Variants in CDKAL1 observed in about 807,000 individuals in gnomAD.
CDKAL1 encodes CDKAL1 threonylcarbamoyladenosine tRNA methylthiotransferase.
CDKAL1 carries 32 observed loss-of-function variants against 68.2 expected under a neutral mutation model. That is an observed-to-expected ratio of 0.47 (90% CI 0.35 to 0.63). CDKAL1 has a LOEUF of 0.63. Ranked by LOEUF, CDKAL1 falls within the 30% of genes least tolerant of loss-of-function variation. The pLI, the probability that CDKAL1 is intolerant of heterozygous loss-of-function variation, is 0.00. For missense variants in CDKAL1, 606 were observed against 696.7 expected (o/e 0.87, Z 1.47); for synonymous variants, 234 against 244.3 (o/e 0.96, Z 0.39).
intron 5 of CDKAL1, among the ~76,000 whole-genome samples, chr6:20,658,739 T>TA (rs1202124889): frequency 1.3e-5 from 2 of 152,154 alleles, no homozygotes; most frequent in South Asian, 2.1e-4. Flanking sequence ...TTAAAAGAAT[T>TA]AAAAAAAACC....
At chr6:20,862,660 T>TGCGCGC (rs372549461) in intron 9 of CDKAL1, among the ~76,000 whole-genome samples, 5 of 147,222 alleles carry the variant, frequency 3.4e-5, no homozygotes, top group African/African-American at 1.3e-4. Context: ...TGTGTGTGTG[T>TGCGCGC]GTGCGCGCGT....
chr6:20,831,816 C>T (rs532171791), intron 8 of CDKAL1, among the ~76,000 whole-genome samples: 73 of 152,286 alleles, frequency 4.8e-4, no homozygotes, highest in African/African-American at 1.6e-3. Context: ...ACTTATCGAG[C>T]TTTTTCACCT....
At chr6:21,175,005 A>G (rs1427748609) in intron 13 of CDKAL1, among the ~76,000 whole-genome samples, 4 of 152,346 alleles carry the variant, frequency 2.6e-5, no homozygotes, top group Non-Finnish European at 4.4e-5. Flanking sequence ...TCCTGAGAGC[A>G]ATGGGGAACC....
At chr6:20,645,755 AAAAT>A (rs1484364796) in intron 4 of CDKAL1, among the ~76,000 whole-genome samples, 52 of 135,846 alleles carry the variant, frequency 3.8e-4, no homozygotes, top group African/African-American at 8.7e-4. Flanking sequence ...TAAATAAATA[AAAAT>A]AAATAAATAA....
At chr6:21,020,380 T>C (rs1768579102) in intron 11 of CDKAL1, among the ~76,000 whole-genome samples, 1 of 152,200 alleles carries the variant, frequency 6.6e-6, no homozygotes, top group Non-Finnish European at 1.5e-5. Flanking sequence ...CTTCAACTAC[T>C]TTTAGCTGTT....
chr6:20,757,374 A>C (rs546327175), intron 6 of CDKAL1, among the ~76,000 whole-genome samples: 1 of 152,196 alleles, frequency 6.6e-6, no homozygotes, highest in African/African-American at 2.4e-5. Flanking sequence ...TCATGCATCC[A>C]TACAGAGAGA....
chr6:20,917,216 G>A (rs936431189), intron 9 of CDKAL1, among the ~76,000 whole-genome samples: 3 of 152,180 alleles, frequency 2.0e-5, no homozygotes, highest in African/African-American at 4.8e-5. Context: ...CCTGACCTCA[G>A]GTGATCCGCC....
intron 5 of CDKAL1, among the ~76,000 whole-genome samples, chr6:20,667,144 A>G (rs1769586719): frequency 6.6e-6 from 1 of 152,188 alleles, no homozygotes; most frequent in South Asian, 2.1e-4. Context: ...GGATTTTCCA[A>G]AGTAAATGAT....
intron 13 of CDKAL1, among the ~76,000 whole-genome samples, chr6:21,168,833 G>A (rs184277640): frequency 2.0e-5 from 3 of 152,156 alleles, no homozygotes; most frequent in African/African-American, 4.8e-5. Context: ...CTTTTAATTC[G>A]CATCTATCTC....
At chr6:20,963,693 G>T (rs1396290385) in intron 10 of CDKAL1, among the ~76,000 whole-genome samples, 1 of 152,062 alleles carries the variant, frequency 6.6e-6, no homozygotes, top group Non-Finnish European at 1.5e-5. Flanking sequence ...AAAATACTGG[G>T]TACCTCTGTC....
intron 14 of CDKAL1, among the ~76,000 whole-genome samples, chr6:21,200,018 G>A (rs1778625966): frequency 6.6e-6 from 1 of 152,154 alleles, no homozygotes; most frequent in Non-Finnish European, 1.5e-5. Flanking sequence ...GATTTTCTAG[G>A]AATTATTTTT....
chr6:20,983,888 T>A (rs1766292737), intron 10 of CDKAL1, among the ~76,000 whole-genome samples: 1 of 152,242 alleles, frequency 6.6e-6, no homozygotes, highest in South Asian at 2.1e-4. Context: ...TTTGTGCTAT[T>A]CCTCAAGAAT....
At position 20,766,300 on chromosome 6, in the gene CDKAL1, G is replaced by T. The variant is rs572318273; in HGVS notation, c.517+7657G>T. On this transcript the variant is annotated intron_variant, in intron 7 of 15. Transcript: ENST00000274695. ...TAACTTTTGATTTCTTAATTCTGGG[G>T]TTTTGGTGGGGTGAGCTGGTGCATA... Among the ~76,000 whole-genome samples the T allele has an allele frequency of 2.7e-4, 41 of 152,126 alleles. 1 individual carries two copies. The South Asian group carries it at 5.2e-3, about 19-fold the overall frequency.
chr6:20,765,657 TTAAAAA>T (rs1248197665), intron 7 of CDKAL1, among the ~76,000 whole-genome samples: 1 of 152,218 alleles, frequency 6.6e-6, no homozygotes, highest in African/African-American at 2.4e-5. Flanking sequence ...TAACATTTTC[TTAAAAA>T]TAAGAGTAGG....
At chr6:20,614,746 A>G (rs1212530383) in intron 4 of CDKAL1, among the ~76,000 whole-genome samples, 1 of 152,202 alleles carries the variant, frequency 6.6e-6, no homozygotes, top group Non-Finnish European at 1.5e-5. Flanking sequence ...TAGCTTTAAA[A>G]ATATGGACTT....
chr6:20,653,862 C>T (rs62397619), intron 5 of CDKAL1, among the ~76,000 whole-genome samples: 7,177 of 152,260 alleles, frequency 0.047, 193 homozygotes, highest in African/African-American at 0.075. Context: ...CCGCCTGCCT[C>T]GGCCTCCCAA....
rs1282444469 is a variant in CDKAL1 at position 21,124,907 on chromosome 6, A to T, written c.1299+16444A>T. Among the ~76,000 whole-genome samples, 5 of 151,962 alleles carry T rather than the reference A, an allele frequency of 3.3e-5. No individual in the cohort carries two copies. The East Asian group carries it at 9.7e-4, about 30-fold the overall frequency. ...ACTTACAGGATACAGCCCCAACATGATCCATAAGGCCCTTCCTGGCTAGTA... is the reference window on the plus strand; with the variant it reads ...ACTTACAGGATACAGCCCCAACATGTTCCATAAGGCCCTTCCTGGCTAGTA... On this transcript the variant is annotated intron_variant, in intron 13 of 15. Coordinates refer to ENST00000274695, the MANE Select transcript of CDKAL1 (RefSeq NM_017774.3).
intron 11 of CDKAL1, among the ~76,000 whole-genome samples, chr6:21,055,561 C>T (rs1204781821): frequency 2.0e-5 from 3 of 152,034 alleles, no homozygotes; most frequent in Non-Finnish European, 4.4e-5. Flanking sequence ...TGTGTGTTCC[C>T]CTCCCTGTGT....
intron 11 of CDKAL1, among the ~76,000 whole-genome samples, chr6:21,014,422 T>C (rs1268108979): frequency 2.0e-5 from 3 of 151,994 alleles, no homozygotes; most frequent in Admixed American, 2.0e-4. Flanking sequence ...GCCAACATGG[T>C]GAACCCTGTC....
Sources: gnomAD v4.1 joint callset for allele counts (sites outside exome capture counted in the v4.1 genomes callset) on GRCh38, gnomAD v4.1.1 for gene constraint, MANE v1.5 for transcripts, NCBI Gene and HGNC (gene_info 2026-07-23, HGNC 2026-07-21) for gene names.